ZFHX4: variants seen among roughly 807,000 people sequenced by gnomAD.
ZFHX4 encodes the protein zinc finger homeobox protein 4.
A neutral mutation model predicts 267.6 loss-of-function variants in ZFHX4; 56 were observed. The observed-to-expected ratio is 0.21, with a 90% CI of 0.17 to 0.26. ZFHX4 has a LOEUF of 0.26. Ranked by LOEUF, ZFHX4 falls within the 10% of genes least tolerant of loss-of-function variation. ZFHX4 has a pLI of 1.00. For missense variants in ZFHX4, 4,332 were observed against 4,420.0 expected, an observed-to-expected ratio of 0.98 and a Z score of 0.56; for synonymous variants, 1,778 against 1,665.6, an observed-to-expected ratio of 1.07 and a Z score of -1.64.
chr8:76,838,937 C>T (rs978943941), intron 5 of ZFHX4, among the ~76,000 whole-genome samples: 1 of 151,912 alleles, frequency 6.6e-6, no homozygotes, highest in Non-Finnish European at 1.5e-5. Context: ...TGCCTGTGGT[C>T]CCAGCCACTT....
At chr8:76,748,238 G>A (rs1809515118) in intron 3 of ZFHX4, among the ~76,000 whole-genome samples, 2 of 152,088 alleles carry the variant, frequency 1.3e-5, no homozygotes, top group East Asian at 1.9e-4. Context: ...AAGTCTCACT[G>A]ATGTTCTGCT....
At chr8:76,788,571 T>C (rs192357518) in intron 4 of ZFHX4, among the ~76,000 whole-genome samples, 17 of 152,338 alleles carry the variant, frequency 1.1e-4, no homozygotes, top group African/African-American at 3.4e-4. Context: ...TGGATTAACA[T>C]GAATCGTTTC....
rs1279321687 is a variant in ZFHX4, at chr8:76,867,235, A to G, written c.*2670A>G. The G allele has an allele frequency of 6.6e-6, 1 of 152,610 alleles. No individual in the cohort carries two copies. Among genetic ancestry groups the G allele is most frequent in the Non-Finnish European group, 1.5e-5 (1 of 68,034 alleles). The allele number at this position is 152,610 out of a possible 1,614,324, so 9.5% of individuals were successfully genotyped here. On this transcript the variant is annotated 3_prime_UTR_variant, in exon 11 of 11. Coordinates refer to ENST00000651372, the MANE Select transcript of ZFHX4 (RefSeq NM_024721.5). The stretch of plus-strand genomic sequence containing the variant: ...TTATTCTTCTGGAAATAGTTCATCA[A>G]GTATGTTTGTTGCTCATTGTGATAC...
At position 76,855,241 on chromosome 8, in the gene ZFHX4, A is replaced by G. The variant is rs568715024; in HGVS notation, c.8320A>G (p.Lys2774Glu). The change falls in exon 10 of 11, where the codon AAA becomes GAA. Residue 2774 changes from lysine (K) to glutamate (E), a missense_variant. This residue lies in a region of ZFHX4 where 1,648 missense variants were observed against 1,625.0 expected (regional missense o/e 1.01). Coordinates refer to ENST00000651372, the MANE Select transcript of ZFHX4 (RefSeq NM_024721.5). ...GAATCTTTTAAGCCCTTCTTCTTTT[A>G]AAGCAGAGTGTTCTGAGGATGTAGA... Reference protein sequence around the residue: ...PKNLLSPSSFKAECSEDVENL... With the variant: ...PKNLLSPSSFEAECSEDVENL... 1 of 1,612,154 alleles carries G rather than the reference A, an allele frequency of 6.2e-7. No homozygotes were observed. Among genetic ancestry groups the G allele is most frequent in the South Asian group, 1.1e-5 (1 of 90,766 alleles).
rs184068009 is a variant in ZFHX4 at position 76,705,217 on chromosome 8, G to T, written c.1129G>T (p.Ala377Ser). ...TGTTGAAAATGGTGACTCTTTGCCGGCTGGCTTTGCCTTCTTAAAAGGAAG... is the reference window on the plus strand; with the variant it reads ...TGTTGAAAATGGTGACTCTTTGCCGTCTGGCTTTGCCTTCTTAAAAGGAAG... The part of the protein sequence containing the change: ...FHVENGDSLP[A>S]GFAFLKGSAS... Residue 377 changes from alanine to serine, a missense_variant, in exon 2 of 11, where the codon GCT becomes TCT. Ala to Ser is a moderately conservative substitution (Grantham distance 99). Coordinates refer to ENST00000651372, the MANE Select transcript of ZFHX4 (RefSeq NM_024721.5). 3 of 1,613,928 alleles carry T rather than the reference G, an allele frequency of 1.9e-6. No homozygotes were observed. Among genetic ancestry groups the T allele is most frequent in the South Asian group, 1.1e-5 (1 of 91,082 alleles).
intron 3 of ZFHX4, among the ~76,000 whole-genome samples, chr8:76,732,526 T>G (rs1809049084): frequency 6.6e-6 from 1 of 152,092 alleles, no homozygotes; most frequent in African/African-American, 2.4e-5. Context: ...AAACATTCCC[T>G]TGGAGTTCTT....
chr8:76,763,981 T>C (rs1809985758), intron 3 of ZFHX4, among the ~76,000 whole-genome samples: 1 of 152,200 alleles, frequency 6.6e-6, no homozygotes, highest in Non-Finnish European at 1.5e-5. Context: ...ATGTTCATAA[T>C]CTTTATCATT....
chr8:76,693,650 A>C (rs1807879865), intron 1 of ZFHX4: 1 of 152,330 alleles, frequency 6.6e-6, no homozygotes, highest in South Asian at 2.1e-4. Context: ...TGAGCAAAGA[A>C]AGGTTTTAGT....
At chr8:76,848,920 G>T in intron 6 of ZFHX4, 75 bp from the exon 7 acceptor site, 1 of 1,383,302 alleles carries the variant, frequency 7.2e-7, no homozygotes. Context: ...AGTCGCAAAT[G>T]TTTGAAAAAC....
In ZFHX4 at chr8:76,704,819, A is replaced by T. The variant is rs1311050031; in HGVS notation, c.731A>T (p.Asp244Val). 2.5e-6 allele frequency: 4 copies of T among 1,614,052 alleles called. No homozygotes were observed. The African/African-American group carries it at 4.0e-5, about 16-fold the overall frequency. ...HKREKDYLTS[D>V]GSAKNSCVSK... ...AGAGAGAAAGACTATCTAACCAGTGATGGCTCAGCCAAAAACTCCTGTGTG... is the reference window on the plus strand; with the variant it reads ...AGAGAGAAAGACTATCTAACCAGTGTTGGCTCAGCCAAAAACTCCTGTGTG... Residue 244 changes from aspartate to valine, a missense_variant, in exon 2 of 11, where the codon GAT (aspartate) becomes GTT (valine). This residue lies in a region of ZFHX4 where 1,195 missense variants were observed against 1,173.6 expected (regional missense o/e 1.02). Coordinates refer to ENST00000651372, the MANE Select transcript of ZFHX4 (RefSeq NM_024721.5).
chr8:76,731,634 T>G (rs1809013711), intron 3 of ZFHX4, among the ~76,000 whole-genome samples: 1 of 151,998 alleles, frequency 6.6e-6, no homozygotes, highest in African/African-American at 2.4e-5. Context: ...ATAAATAAAA[T>G]AATCTCAAAT....
At chr8:76,739,244 A>G (rs920599626) in intron 3 of ZFHX4, among the ~76,000 whole-genome samples, 1 of 152,146 alleles carries the variant, frequency 6.6e-6, no homozygotes, top group Non-Finnish European at 1.5e-5. Context: ...TTTTTTTAAA[A>G]GTCCATGTTC....
intron 3 of ZFHX4, among the ~76,000 whole-genome samples, chr8:76,772,131 TA>T (rs1393531360): frequency 2.6e-5 from 4 of 152,130 alleles, no homozygotes; most frequent in African/African-American, 9.7e-5. Flanking sequence ...TGTGGAGATT[TA>T]ATAAAAGAAC....
chr8:76,764,706 C>T (rs1178136888), intron 3 of ZFHX4, among the ~76,000 whole-genome samples: 1 of 152,194 alleles, frequency 6.6e-6, no homozygotes, highest in Non-Finnish European at 1.5e-5. Context: ...TTCACTCCAG[C>T]TGGTTTTCTG....
chr8:76,817,724 G>A (rs1310537329), intron 4 of ZFHX4, among the ~76,000 whole-genome samples: 1 of 152,194 alleles, frequency 6.6e-6, no homozygotes, highest in Non-Finnish European at 1.5e-5. Flanking sequence ...ATATAACCGT[G>A]AAGAACTTGT....
chr8:76,845,511 G>A (rs2131923623), intron 6 of ZFHX4, among the ~76,000 whole-genome samples: 1 of 151,720 alleles, frequency 6.6e-6, no homozygotes. Flanking sequence ...ATACTGTACT[G>A]GTAATTATAA....
chr8:76,852,298 C>T lies in ZFHX4; in HGVS notation c.5377C>T (p.Leu1793Phe). The change falls in exon 10 of 11, where the codon CTC becomes TTC. Residue 1793 changes from leucine (L) to phenylalanine (F), a missense_variant. By Grantham distance (22) the Leu-to-Phe change is conservative. Transcript: ENST00000651372. ...QTQHHVGQTQ[L>F]QILQQQAQQY... ...CCAACATCACGTTGGTCAAACTCAA[C>T]TCCAGATACTACAGCAACAAGCACA... The T allele has an allele frequency of 1.9e-6, 3 of 1,561,694 alleles. No individual in the cohort carries two copies. Among genetic ancestry groups the T allele is most frequent in the Non-Finnish European group, 2.6e-6 (3 of 1,152,072 alleles).
At chr8:76,774,736 T>G (rs1810360706) in intron 3 of ZFHX4, among the ~76,000 whole-genome samples, 1 of 152,122 alleles carries the variant, frequency 6.6e-6, no homozygotes, top group African/African-American at 2.4e-5. Flanking sequence ...GTATAACACA[T>G]ATTCAGGTCT....
intron 6 of ZFHX4, among the ~76,000 whole-genome samples, chr8:76,844,276 T>C (rs1429248257): frequency 6.6e-6 from 1 of 152,172 alleles, no homozygotes; most frequent in Non-Finnish European, 1.5e-5. Context: ...TTCAGTGGCA[T>C]CTTTCACATA....
Sources: gnomAD v4.1 joint callset for allele counts (sites outside exome capture counted in the v4.1 genomes callset) on GRCh38, gnomAD v4.1.1 for gene constraint, gnomAD v4.1.1 regional missense constraint, MANE v1.5 for transcripts, NCBI Gene and HGNC (gene_info 2026-07-23, HGNC 2026-07-21) for gene names.